The following MCPH1 variants were observed in gnomAD, a reference collection of about 807,000 sequenced individuals.
MCPH1 encodes the protein microcephalin 1.
MCPH1 carries 104 observed loss-of-function variants against 84.5 expected under a neutral mutation model. The ratio of observed to expected loss-of-function variants is 1.23; its 90% CI spans 1.05 to 1.45. The LOEUF (loss-of-function observed/expected upper bound fraction) is 1.45. Among genes scored for constraint, MCPH1 ranks in the 40% most tolerant of loss-of-function variants. The probability of loss-of-function intolerance (pLI) is 0.00; values close to 1 mark genes in which losing one functional copy is unlikely to be tolerated. For missense variants in MCPH1, 1,498 were observed against 1,005.7 expected (o/e 1.49, Z -6.62); for synonymous variants, 514 against 366.8 (o/e 1.40, Z -4.58).
intron 12 of MCPH1, among the ~76,000 whole-genome samples, chr8:6,574,242 A>T (rs1335689367): frequency 1.3e-5 from 2 of 152,232 alleles, no homozygotes; most frequent in African/African-American, 4.8e-5. Flanking sequence ...TCTGTAATTG[A>T]GGCATCAGCA....
At chr8:6,474,614 T>G (rs1340477973) in intron 9 of MCPH1, among the ~76,000 whole-genome samples, 1 of 152,216 alleles carries the variant, frequency 6.6e-6, no homozygotes, top group Non-Finnish European at 1.5e-5. Context: ...AATTTACATT[T>G]TTTCATAGTC....
chr8:6,582,174 T>G (rs1053480497), intron 12 of MCPH1, among the ~76,000 whole-genome samples: 10 of 152,186 alleles, frequency 6.6e-5, no homozygotes, highest in Admixed American at 2.0e-4. Context: ...ACATCTAACG[T>G]CAGCACACTA....
intron 3 of MCPH1, among the ~76,000 whole-genome samples, chr8:6,422,447 A>G (rs1800349568): frequency 6.6e-6 from 1 of 152,202 alleles, no homozygotes; most frequent in African/African-American, 2.4e-5. Flanking sequence ...GGACAAAATT[A>G]AAATAGTAGC....
intron 12 of MCPH1, among the ~76,000 whole-genome samples, chr8:6,543,264 T>C (rs1462326949): frequency 6.6e-6 from 1 of 152,176 alleles, no homozygotes; most frequent in Admixed American, 6.5e-5. Context: ...ACACAAGCCA[T>C]CTTCTGTACA....
rs1445111337 is a variant in MCPH1 at position 6,479,666 on chromosome 8, A to G, written c.1974-1048A>G. ...TGTTGTATATATCACAGTGTGGCTT[A>G]GAAAGCCCTCCATTGGGGATTTTTT... On this transcript the variant is annotated intron_variant, in intron 10 of 13. Transcript: ENST00000344683. Among the ~76,000 whole-genome samples, 3 of 152,124 alleles carry G rather than the reference A, an allele frequency of 2.0e-5. No individual in the cohort carries two copies. In the East Asian group the frequency reaches 5.8e-4, roughly 29 times the overall value.
At position 6,508,916 on chromosome 8, in the gene MCPH1, A is replaced by C. The variant is rs370898328; in HGVS notation, c.2214+8987A>C. On this transcript the variant is annotated intron_variant, in intron 12 of 13. Transcript: ENST00000344683. The stretch of plus-strand genomic sequence containing the variant: ...TCCTTGCCAATACAAATAGGAAGAC[A>C]GAAAGTCATCCCTACCTCCTGTTAG... The C allele has an allele frequency of 1.9e-6, 3 of 1,614,104 alleles. No individual in the cohort carries two copies. The South Asian group carries it at 3.3e-5, about 18-fold the overall frequency.
At chr8:6,527,798 A>G in intron 12 of MCPH1, 1 of 940,280 alleles carries the variant, frequency 1.1e-6, no homozygotes, top group Non-Finnish European at 1.5e-6. Flanking sequence ...TTATTAACCC[A>G]AGTATCTTAT....
intron 12 of MCPH1, among the ~76,000 whole-genome samples, chr8:6,580,583 A>C (rs1827486227): frequency 6.6e-6 from 1 of 152,200 alleles, no homozygotes; most frequent in Non-Finnish European, 1.5e-5. Context: ...ACCGGGAGGC[A>C]GACGTTGCAG....
intron 9 of MCPH1, among the ~76,000 whole-genome samples, chr8:6,467,920 T>G (rs1322754210): frequency 6.6e-6 from 1 of 152,144 alleles, no homozygotes; most frequent in Non-Finnish European, 1.5e-5. Context: ...CTTGTGGAGT[T>G]GGAAGGTAGA....
rs57388225 is a variant in MCPH1, at chr8:6,457,359, C to T, written c.1935+2107C>T. On this transcript the variant is annotated intron_variant, in intron 9 of 13. Coordinates refer to ENST00000344683, the MANE Select transcript of MCPH1 (RefSeq NM_024596.5). ...TATAATCCCGGTACTTTGGGGCGGG[C>T]GGATCACTTGAGGTCAGGAGTTCGA... Among the ~76,000 whole-genome samples, 187 of 151,702 alleles carry T rather than the reference C, an allele frequency of 1.2e-3. 3 individuals carry two copies. In the East Asian group the frequency reaches 0.03, roughly 24 times the overall value.
intron 11 of MCPH1, among the ~76,000 whole-genome samples, 160 bp downstream of exon 11, chr8:6,481,036 C>T (rs1416882299): frequency 1.3e-5 from 2 of 152,190 alleles, no homozygotes; most frequent in Admixed American, 1.3e-4. Context: ...TGTTGGTCTC[C>T]CGTGGGCTGC....
chr8:6,425,958 A>G (rs17536777), intron 3 of MCPH1, among the ~76,000 whole-genome samples: 17,548 of 152,204 alleles, frequency 0.12, 1,278 homozygotes, highest in Middle Eastern at 0.26. Flanking sequence ...CTGTTCCCTT[A>G]GGCATAATAG....
chr8:6,482,015 A>G (rs1167148582), intron 11 of MCPH1, among the ~76,000 whole-genome samples: 6 of 152,184 alleles, frequency 3.9e-5, no homozygotes, highest in Non-Finnish European at 7.4e-5. Flanking sequence ...TGGGATGTGA[A>G]TCGTCCTTCA....
chr8:6,633,023 T>TA lies in MCPH1; in HGVS notation c.2453-9957dup, dbSNP rs35473799. Among the ~76,000 whole-genome samples the TA allele has an allele frequency of 9.9e-3, 1,426 of 143,954 alleles. 12 individuals are homozygous for TA. The highest frequency in any genetic ancestry group is 0.026 in the African/African-American group (1,001 of 39,242). The allele number at this position is 143,954 out of a possible 152,430, so 94.4% of individuals were successfully genotyped here. On this transcript the variant is annotated intron_variant, in intron 13 of 13. Transcript: ENST00000344683. The stretch of plus-strand genomic sequence containing the variant: ...GAAGATTCAATGCCGAGTAATGATT[T>TA]AAAAAAAAAAAAAACTCTTCAGAAA...
chr8:6,617,891 TATCTATCTA>T (rs879718661), intron 12 of MCPH1, among the ~76,000 whole-genome samples: 73 of 124,778 alleles, frequency 5.9e-4, no homozygotes, highest in East Asian at 1.2e-3. Flanking sequence ...TCTATCTATC[TATCTATCTA>T]ATCTATCTAT....
intron 12 of MCPH1, among the ~76,000 whole-genome samples, chr8:6,562,244 C>A (rs549053045): frequency 2.6e-5 from 4 of 152,270 alleles, no homozygotes; most frequent in South Asian, 2.1e-4. Flanking sequence ...CGGGCTGCTG[C>A]GGCTCACAGC....
At chr8:6,638,406 C>T (rs1586897004) in intron 13 of MCPH1, among the ~76,000 whole-genome samples, 1 of 152,060 alleles carries the variant, frequency 6.6e-6, no homozygotes, top group Non-Finnish European at 1.5e-5. Context: ...TGGATGCTGG[C>T]AATCGCAGTT....
intron 12 of MCPH1, among the ~76,000 whole-genome samples, chr8:6,522,629 C>G (rs1474545619): frequency 6.6e-6 from 1 of 151,718 alleles, no homozygotes; most frequent in African/African-American, 2.4e-5. Flanking sequence ...CAAAAATTAG[C>G]CAAGCGTGGG....
chr8:6,414,934 T>C lies in MCPH1; in HGVS notation c.233+51T>C, dbSNP rs147236217. ...TTCCTTAAGTATCTAGTATTGAAAA[T>C]GTGTGGAGATATTTTTCACAGATCG... On this transcript the variant is annotated intron_variant, in intron 3 of 13. Coordinates refer to ENST00000344683, the MANE Select transcript of MCPH1 (RefSeq NM_024596.5). 1.1e-4 allele frequency: 174 copies of C among 1,587,882 alleles called. 1 individual carries two copies. In the African/African-American group the frequency reaches 1.9e-3, roughly 18 times the overall value.
Sources: allele counts gnomAD v4.1 joint callset (sites outside exome capture counted in the v4.1 genomes callset), GRCh38; gene constraint gnomAD v4.1.1; transcripts MANE v1.5; gene names NCBI Gene and HGNC (gene_info 2026-07-23, HGNC 2026-07-21).